Variants in SCFD2 observed in about 807,000 individuals in gnomAD.
SCFD2 encodes sec1 family domain-containing protein 2.
Under a neutral mutation model 58.9 loss-of-function variants are expected in SCFD2, and 54 were observed. The ratio of observed to expected loss-of-function variants is 0.92; its 90% CI spans 0.74 to 1.15. The LOEUF is 1.15. Among genes scored for constraint, SCFD2 ranks in the 50% most tolerant of loss-of-function variants. The pLI, the probability that SCFD2 is intolerant of heterozygous loss-of-function variation, is 0.00. For missense variants in SCFD2, 805 were observed against 836.6 expected, an observed-to-expected ratio of 0.96 and a Z score of 0.47; for synonymous variants, 321 against 335.9, an observed-to-expected ratio of 0.96 and a Z score of 0.49.
At chr4:52,887,246 C>T (rs1434546631) in intron 7 of SCFD2, among the ~76,000 whole-genome samples, 3 of 152,192 alleles carry the variant, frequency 2.0e-5, no homozygotes, top group African/African-American at 4.8e-5. Context: ...TACCGACTTA[C>T]AGCCCTTAAC....
At chr4:53,141,528 A>G (rs1726165320) in intron 5 of SCFD2, among the ~76,000 whole-genome samples, 1 of 152,204 alleles carries the variant, frequency 6.6e-6, no homozygotes, top group Non-Finnish European at 1.5e-5. Flanking sequence ...ACAAGTGCAG[A>G]TGTATGAAAA....
At chr4:53,255,926 G>T (rs1415490894) in intron 4 of SCFD2, among the ~76,000 whole-genome samples, 2 of 150,520 alleles carry the variant, frequency 1.3e-5, no homozygotes, top group Admixed American at 1.3e-4. Flanking sequence ...CCGGGCAGAG[G>T]CGCCCCTCAC....
chr4:52,877,018 C>T (rs191586808), intron 8 of SCFD2, among the ~76,000 whole-genome samples: 15 of 152,220 alleles, frequency 9.9e-5, no homozygotes, highest in Non-Finnish European at 1.5e-4. Context: ...GGCTAGGGTA[C>T]GTCTCCATCC....
chr4:53,123,332 A>G (rs1283569191), intron 5 of SCFD2, among the ~76,000 whole-genome samples: 2 of 152,164 alleles, frequency 1.3e-5, no homozygotes, highest in African/African-American at 4.8e-5. Flanking sequence ...CTGTGTACAT[A>G]TAGAGCTTTC....
At chr4:52,970,327 C>A (rs1342454153) in intron 5 of SCFD2, among the ~76,000 whole-genome samples, 1 of 152,230 alleles carries the variant, frequency 6.6e-6, no homozygotes, top group Non-Finnish European at 1.5e-5. Flanking sequence ...CCTAATACTG[C>A]ACTTTTCCTA....
chr4:53,203,777 T>G (rs1426833470), intron 4 of SCFD2, among the ~76,000 whole-genome samples: 1 of 152,040 alleles, frequency 6.6e-6, no homozygotes, highest in African/African-American at 2.4e-5. Context: ...TGGGAGGGAA[T>G]TGGGTAAATT....
chr4:52,953,502 A>G (rs1159227019), intron 5 of SCFD2, among the ~76,000 whole-genome samples: 1 of 152,212 alleles, frequency 6.6e-6, no homozygotes, highest in Non-Finnish European at 1.5e-5. Context: ...GGGAGGTTAG[A>G]TCGCTCTCTA....
At chr4:53,034,272 A>T (rs548916902) in intron 5 of SCFD2, among the ~76,000 whole-genome samples, 1 of 152,116 alleles carries the variant, frequency 6.6e-6, no homozygotes, top group South Asian at 2.1e-4. Context: ...AAAATTCAAC[A>T]CCCCTTCATG....
chr4:53,214,789 T>C (rs1381372785), intron 4 of SCFD2, among the ~76,000 whole-genome samples: 5 of 152,170 alleles, frequency 3.3e-5, no homozygotes, highest in Admixed American at 2.6e-4. Context: ...GTTTTAGGTC[T>C]AACATGTAAG....
At chr4:53,289,400 G>A (rs915018471) in intron 3 of SCFD2, among the ~76,000 whole-genome samples, 11 of 151,860 alleles carry the variant, frequency 7.2e-5, no homozygotes, top group Admixed American at 3.3e-4. Flanking sequence ...AAAAAAAATG[G>A]TCTTATTATG....
At chr4:52,997,143 T>C (rs1721758976) in intron 5 of SCFD2, among the ~76,000 whole-genome samples, 1 of 152,206 alleles carries the variant, frequency 6.6e-6, no homozygotes, top group Non-Finnish European at 1.5e-5. Context: ...TACCTCTCCA[T>C]GCCACAGTCC....
intron 5 of SCFD2, among the ~76,000 whole-genome samples, chr4:53,061,587 A>G (rs1723513155): frequency 6.6e-6 from 1 of 152,076 alleles, no homozygotes; most frequent in Admixed American, 6.6e-5. Flanking sequence ...CAGGCCCTTA[A>G]TGTAGATTGA....
chr4:52,971,778 T>G (rs1226390876), intron 5 of SCFD2, among the ~76,000 whole-genome samples: 2 of 152,196 alleles, frequency 1.3e-5, no homozygotes, highest in African/African-American at 4.8e-5. Context: ...AAGGTCGGGT[T>G]ACCCACAAAG....
At chr4:52,883,688 G>A (rs570814657) in intron 8 of SCFD2, among the ~76,000 whole-genome samples, 27 of 152,274 alleles carry the variant, frequency 1.8e-4, no homozygotes, top group African/African-American at 4.8e-4. Context: ...GGTTCACCAC[G>A]TTAGGGGCAG....
intron 5 of SCFD2, among the ~76,000 whole-genome samples, chr4:53,134,939 T>C (rs1008855378): frequency 1.3e-5 from 2 of 152,286 alleles, no homozygotes; most frequent in Admixed American, 6.5e-5. Flanking sequence ...GCCTTTTCTG[T>C]TCAATAGACA....
chr4:53,008,220 G>A (rs1279989681), intron 5 of SCFD2, among the ~76,000 whole-genome samples: 1 of 152,168 alleles, frequency 6.6e-6, no homozygotes, highest in African/African-American at 2.4e-5. Flanking sequence ...CATGGAGAGG[G>A]TGGCCTCATT....
intron 5 of SCFD2, among the ~76,000 whole-genome samples, chr4:52,929,971 C>A (rs1435016909): frequency 6.6e-6 from 1 of 152,138 alleles, no homozygotes; most frequent in East Asian, 1.9e-4. Flanking sequence ...CATTAAACCA[C>A]CATTGACATT....
intron 4 of SCFD2, among the ~76,000 whole-genome samples, chr4:53,271,953 A>C (rs1731182582): frequency 6.6e-6 from 1 of 152,222 alleles, no homozygotes. Context: ...CAATCTACTC[A>C]TCTGACAAAT....
Position 52,949,316 on chromosome 4 carries a change from A to T in SCFD2, c.1562-28446T>A, listed in dbSNP as rs1201915717. The T allele has an allele frequency of 3.3e-5, 5 of 151,578 alleles. No homozygotes were observed. The East Asian group carries it at 9.6e-4, about 29-fold the overall frequency. 9.4% of individuals were successfully genotyped at this position (151,578 alleles called of 1,614,324 possible). A position where few individuals can be genotyped will look rare whatever the true frequency, so the allele number is the denominator to read the frequency against. ...CGACTTATAAGTCCATATTTTAACA[A>T]TGGCATCTTTTCCAATGTGTACATT... On this transcript the variant is annotated intron_variant, in intron 5 of 8. Transcript: ENST00000401642.
Sources: gnomAD v4.1 joint callset for allele counts (sites outside exome capture counted in the v4.1 genomes callset) on GRCh38, gnomAD v4.1.1 for gene constraint, MANE v1.5 for transcripts, NCBI Gene and HGNC (gene_info 2026-07-23, HGNC 2026-07-21) for gene names.